CHST8: variants seen among roughly 807,000 people sequenced by gnomAD.
CHST8 encodes the protein GALNAC-4-ST1.
In CHST8, 10 loss-of-function variants were observed where a neutral mutation model predicts 15.0. The observed-to-expected ratio is 0.67, with a 90% CI of 0.41 to 1.13. The LOEUF (loss-of-function observed/expected upper bound fraction) is 1.13. CHST8 is among the 50% of genes most tolerant of loss of function. The pLI, the probability that CHST8 is intolerant of heterozygous loss-of-function variation, is 0.00. For synonymous variants in CHST8, 259 were observed against 256.6 expected, an observed-to-expected ratio of 1.01 and a Z score of -0.09; for missense variants, 634 against 608.2, an observed-to-expected ratio of 1.04 and a Z score of -0.45.
At chr19:33,622,363 C>A (rs2145427123) in intron 1 of CHST8, 67 bp downstream of exon 1, 1 of 152,274 alleles carries the variant, frequency 6.6e-6, no homozygotes, top group Non-Finnish European at 1.5e-5. Flanking sequence ...TGCAGAGACG[C>A]CAGGAAGGGG....
At chr19:33,760,904 A>C (rs1408906147) in intron 3 of CHST8, among the ~76,000 whole-genome samples, 5 of 152,178 alleles carry the variant, frequency 3.3e-5, no homozygotes, top group Non-Finnish European at 5.9e-5. Context: ...GGCAGGGGCC[A>C]CACTATCCCA....
At chr19:33,761,819 T>G (rs566698596) in intron 3 of CHST8, among the ~76,000 whole-genome samples, 1 of 151,574 alleles carries the variant, frequency 6.6e-6, no homozygotes, top group East Asian at 1.9e-4. Context: ...GGCAACAGAA[T>G]GAGACACTGT....
chr19:33,743,579 G>T (rs1974247040), intron 3 of CHST8, among the ~76,000 whole-genome samples: 1 of 151,940 alleles, frequency 6.6e-6, no homozygotes, highest in South Asian at 2.1e-4. Flanking sequence ...GGGATTACAG[G>T]CGTGAGCCAC....
Position 33,773,098 on chromosome 19 carries a change from G to A in CHST8, c.*35G>A, listed in dbSNP as rs374880123. 4 of 1,549,984 alleles carry A rather than the reference G, an allele frequency of 2.6e-6. No individual in the cohort carries two copies. The highest frequency in any genetic ancestry group is 3.5e-6 in the Non-Finnish European group (4 of 1,152,656). ...CAGCTGGCCGGGGCCGCCCTGCCCC[G>A]GTCACTCACCTGTGCTCCCGGGCAT... On this transcript the variant is annotated 3_prime_UTR_variant, in exon 5 of 5. Transcript: ENST00000650847.
At chr19:33,757,343 G>A (rs1237760081) in intron 3 of CHST8, among the ~76,000 whole-genome samples, 2 of 148,000 alleles carry the variant, frequency 1.4e-5, no homozygotes, top group Admixed American at 6.9e-5. Context: ...CCATGCCACT[G>A]CACTCCAGCC....
At chr19:33,726,923 G>A (rs557417275) in intron 3 of CHST8, among the ~76,000 whole-genome samples, 42 of 151,676 alleles carry the variant, frequency 2.8e-4, no homozygotes, top group African/African-American at 9.7e-4. Context: ...ACCTCTGCTG[G>A]CAGTGCTCCC....
chr19:33,744,679 C>T (rs559392537), intron 3 of CHST8, among the ~76,000 whole-genome samples: 27 of 152,320 alleles, frequency 1.8e-4, no homozygotes, highest in South Asian at 4.1e-4. Flanking sequence ...ATCCTTCCAC[C>T]TCAGCCTCCT....
At chr19:33,753,733 G>A (rs1490639366) in intron 3 of CHST8, among the ~76,000 whole-genome samples, 3 of 2,802 alleles carry the variant, frequency 1.1e-3, no homozygotes, top group Admixed American at 4.2e-3. Context: ...ACCATCCCCC[G>A]TCTCCTCACC....
intron 3 of CHST8, among the ~76,000 whole-genome samples, chr19:33,761,254 C>T (rs1974721899): frequency 2.6e-5 from 4 of 152,178 alleles, no homozygotes; most frequent in Admixed American, 2.6e-4. Flanking sequence ...TGTAATCCCA[C>T]CACTTTGGGA....
intron 2 of CHST8, among the ~76,000 whole-genome samples, chr19:33,668,533 G>A (rs1972693090): frequency 6.6e-6 from 1 of 152,148 alleles, no homozygotes; most frequent in Non-Finnish European, 1.5e-5. Flanking sequence ...TGGTCATGAA[G>A]AGCAGCAGCT....
intron 3 of CHST8, among the ~76,000 whole-genome samples, chr19:33,770,893 C>T (rs1183891102): frequency 1.3e-5 from 2 of 152,114 alleles, no homozygotes; most frequent in African/African-American, 4.8e-5. Flanking sequence ...AGAAGAAGCA[C>T]GTTCCATTCC....
intron 3 of CHST8, among the ~76,000 whole-genome samples, chr19:33,703,676 CT>C (rs1973388805): frequency 6.6e-6 from 1 of 152,252 alleles, no homozygotes; most frequent in Non-Finnish European, 1.5e-5. Context: ...GCAGATCCCC[CT>C]CTCCTTCTCA....
At position 33,773,327 on chromosome 19, in the gene CHST8, C is replaced by T. The variant is rs142143417; in HGVS notation, c.*264C>T. The T allele has an allele frequency of 4.0e-6, 2 of 499,736 alleles. No homozygotes were observed. Among genetic ancestry groups the T allele is most frequent in the South Asian group, 3.2e-5 (1 of 31,466 alleles). 31.0% of individuals were successfully genotyped at this position (499,736 alleles called of 1,614,324 possible). ...TGGGCAGACACCCCTGGAGCTCAGCCGACAGTTTTGATGAGCAGGGAAGTC... is the reference window on the plus strand; with the variant it reads ...TGGGCAGACACCCCTGGAGCTCAGCTGACAGTTTTGATGAGCAGGGAAGTC... On this transcript the variant is annotated 3_prime_UTR_variant, in exon 5 of 5. Coordinates refer to ENST00000650847, the MANE Select transcript of CHST8 (RefSeq NM_001127895.2).
rs368351028 is a variant in CHST8 at position 33,656,014 on chromosome 19, C to T, written c.-163-11753C>T. ...ACGAATAAAACATTTAAACTGATGA[C>T]GCTTCCTCTGAGTACAGTTCTGGCC... On this transcript the variant is annotated intron_variant, in intron 1 of 4. Transcript: ENST00000650847. Among the ~76,000 whole-genome samples the T allele has an allele frequency of 2.6e-4, 39 of 152,222 alleles. 1 individual carries two copies. The East Asian group carries it at 5.8e-3, about 23-fold the overall frequency.
chr19:33,634,855 G>A (rs1306354958), intron 1 of CHST8, among the ~76,000 whole-genome samples: 5 of 152,046 alleles, frequency 3.3e-5, no homozygotes, highest in Admixed American at 3.3e-4. Context: ...TTAGTCAACT[G>A]GGCTGCCGTG....
intron 3 of CHST8, among the ~76,000 whole-genome samples, chr19:33,741,312 T>G (rs548230065): frequency 6.6e-6 from 1 of 152,380 alleles, no homozygotes; most frequent in South Asian, 2.1e-4. Context: ...GAAAGCAGAC[T>G]GAGGCAGCGA....
In CHST8 at chr19:33,733,232, CT is replaced by C. The variant is rs34651897; in HGVS notation, c.131-38162del. On this transcript the variant is annotated intron_variant, in intron 3 of 4. Transcript: ENST00000650847. Reference sequence around the variant, plus strand: ...CCAAGAGACAAAGACCAGATATATTCTTTTTTTTTTTTTTTTTTTGAGATGG... The same window carrying C: ...CCAAGAGACAAAGACCAGATATATTCTTTTTTTTTTTTTTTTTTGAGATGG... 8.7e-3 allele frequency among the ~76,000 whole-genome samples: 1,089 copies of C among 125,594 alleles called. 3 individuals are homozygous for C. Among genetic ancestry groups the C allele is most frequent in the Non-Finnish European group, 0.011 (676 of 60,386 alleles). The allele number at this position is 125,594 out of a possible 152,430, so 82.4% of individuals were successfully genotyped here. A position where few individuals can be genotyped will look rare whatever the true frequency, so the allele number is the denominator to read the frequency against.
At chr19:33,698,807 C>A (rs1256176324) in intron 3 of CHST8, among the ~76,000 whole-genome samples, 1 of 152,110 alleles carries the variant, frequency 6.6e-6, no homozygotes, top group Non-Finnish European at 1.5e-5. Flanking sequence ...AATGAAGGAC[C>A]AGGCAAGACA....
intron 2 of CHST8, among the ~76,000 whole-genome samples, chr19:33,685,513 C>T (rs1425965750): frequency 1.4e-5 from 2 of 146,742 alleles, no homozygotes; most frequent in Non-Finnish European, 1.5e-5. Flanking sequence ...TCTTCTCTGC[C>T]CCTGGAAGGC....
Sources: gnomAD v4.1 joint callset for allele counts (sites outside exome capture counted in the v4.1 genomes callset) on GRCh38, gnomAD v4.1.1 for gene constraint, MANE v1.5 for transcripts, NCBI Gene and HGNC (gene_info 2026-07-23, HGNC 2026-07-21) for gene names.